The following MDGA2 variants were observed in gnomAD, a reference collection of about 807,000 sequenced individuals.
MDGA2 encodes MAM domain-containing glycosylphosphatidylinositol anchor protein 2.
MDGA2 carries 40 observed loss-of-function variants against 117.8 expected under a neutral mutation model. The ratio of observed to expected loss-of-function variants is 0.34; its 90% CI spans 0.26 to 0.44. MDGA2 has a LOEUF of 0.44. MDGA2 is among the 20% of genes least tolerant of loss of function. The probability of loss-of-function intolerance (pLI) is 1.00; values close to 1 mark genes in which losing one functional copy is unlikely to be tolerated. For missense variants in MDGA2, 1,123 were observed against 1,250.6 expected, an observed-to-expected ratio of 0.90 and a Z score of 1.54; for synonymous variants, 452 against 439.0, an observed-to-expected ratio of 1.03 and a Z score of -0.37.
rs1212833889 is a variant in MDGA2, at chr14:47,131,709, C to T, written c.925+5G>A. On this transcript the variant is annotated splice_donor_5th_base_variant and intron_variant, in intron 5 of 16. Transcript: ENST00000399232. The stretch of plus-strand genomic sequence containing the variant: ...TACATGTAACATACAGAGATAATTC[C>T]ATACCTGTTTTATTGGACAGTCTAA... 3.3e-6 allele frequency: 5 copies of T among 1,503,290 alleles called. No individual in the cohort carries two copies. Among genetic ancestry groups the T allele is most frequent in the Non-Finnish European group, 3.6e-6 (4 of 1,107,928 alleles). The allele number at this position is 1,503,290 out of a possible 1,614,324, so 93.1% of individuals were successfully genotyped here.
chr14:47,012,220 T>C (rs912440032), intron 8 of MDGA2, among the ~76,000 whole-genome samples: 20 of 152,116 alleles, frequency 1.3e-4, no homozygotes, highest in South Asian at 6.2e-4. Flanking sequence ...ATAAACTGAA[T>C]ATACTTGTTT....
rs1210858363 is a variant in MDGA2 at position 47,116,866 on chromosome 14, TATAAC to T, written c.925+14843_925+14847del. ...TTGATCTTGGGAATGATTTCATAGA[TATAAC>T]ACAAAAGCATAGAAAACAACAACAA... is the stretch of plus-strand genomic sequence containing the variant. On this transcript the variant is annotated intron_variant, in intron 5 of 16. Coordinates refer to ENST00000399232, the MANE Select transcript of MDGA2 (RefSeq NM_001113498.3). Among the ~76,000 whole-genome samples the T allele has an allele frequency of 7.3e-5, 11 of 151,342 alleles. No individual in the cohort carries two copies. The East Asian group carries it at 2.1e-3, about 29-fold the overall frequency.
chr14:47,508,357 C>CTCTCTT (rs965402274), intron 1 of MDGA2, among the ~76,000 whole-genome samples: 1 of 143,702 alleles, frequency 7.0e-6, no homozygotes, highest in Non-Finnish European at 1.5e-5. Flanking sequence ...GATTGACTCT[C>CTCTCTT]TCTCTCTCTC....
chr14:47,251,312 T>C (rs182483357), intron 2 of MDGA2, among the ~76,000 whole-genome samples: 2 of 152,338 alleles, frequency 1.3e-5, no homozygotes, highest in Admixed American at 1.3e-4. Context: ...TTTCTCATCA[T>C]TCAGATCTCA....
chr14:47,263,733 T>C (rs772467301), intron 2 of MDGA2, among the ~76,000 whole-genome samples: 1 of 152,194 alleles, frequency 6.6e-6, no homozygotes, highest in South Asian at 2.1e-4. Context: ...GAAGATGATT[T>C]GCCTTGACAA....
At chr14:47,288,693 T>C (rs111855764) in intron 2 of MDGA2, among the ~76,000 whole-genome samples, 4,263 of 152,232 alleles carry the variant, frequency 0.028, 199 homozygotes, top group African/African-American at 0.096. Context: ...AAATAAATGT[T>C]ATTTTTAGTT....
chr14:47,112,745 A>G (rs950698781), intron 5 of MDGA2, among the ~76,000 whole-genome samples: 2 of 152,108 alleles, frequency 1.3e-5, no homozygotes, highest in African/African-American at 4.8e-5. Context: ...ATATTCCTTT[A>G]GGTATATACC....
In MDGA2 at chr14:46,901,041, T is replaced by C. The variant is rs562623250; in HGVS notation, c.2239-18820A>G. ...TTAAAAAGAAAAAAAACACTGCTTA[T>C]TGAAAAGGCTTTTAAAGTACTGAAG... is the stretch of plus-strand genomic sequence containing the variant. On this transcript the variant is annotated intron_variant, in intron 10 of 16. Transcript: ENST00000399232. Among the ~76,000 whole-genome samples, 6 of 152,118 alleles carry C rather than the reference T, an allele frequency of 3.9e-5. No individual in the cohort carries two copies. The South Asian group carries it at 1.2e-3, about 32-fold the overall frequency.
At chr14:47,472,060 G>GT (rs1203386746) in intron 1 of MDGA2, among the ~76,000 whole-genome samples, 1 of 152,070 alleles carries the variant, frequency 6.6e-6, no homozygotes, top group African/African-American at 2.4e-5. Flanking sequence ...CCTTTTAATT[G>GT]TAAGAGTAAC....
At chr14:47,222,080 A>G (rs1886324904) in intron 2 of MDGA2, among the ~76,000 whole-genome samples, 1 of 152,054 alleles carries the variant, frequency 6.6e-6, no homozygotes, top group South Asian at 2.1e-4. Flanking sequence ...TATCAGTCAT[A>G]GACTAGATGT....
intron 1 of MDGA2, among the ~76,000 whole-genome samples, chr14:47,501,930 G>T (rs1354837369): frequency 6.6e-6 from 1 of 152,106 alleles, no homozygotes; most frequent in African/African-American, 2.4e-5. Context: ...GTCTATATTA[G>T]TTGGAAATAC....
At chr14:47,000,395 A>G (rs1042068266) in intron 8 of MDGA2, among the ~76,000 whole-genome samples, 6 of 21,252 alleles carry the variant, frequency 2.8e-4, no homozygotes, top group Non-Finnish European at 7.5e-4. Context: ...ATATATTTAT[A>G]TATAAATATA....
intron 8 of MDGA2, among the ~76,000 whole-genome samples, chr14:47,009,726 A>G (rs904717887): frequency 4.6e-5 from 7 of 152,028 alleles, no homozygotes; most frequent in African/African-American, 1.7e-4. Flanking sequence ...ATCAGATTAG[A>G]TGTAGGTAAG....
chr14:47,595,397 G>A (rs572818570), intron 1 of MDGA2, among the ~76,000 whole-genome samples: 5 of 151,900 alleles, frequency 3.3e-5, no homozygotes, highest in East Asian at 3.9e-4. Context: ...AGCTGGGCAC[G>A]GTGGTGGGCG....
chr14:47,498,409 T>C (rs1356576127), intron 1 of MDGA2, among the ~76,000 whole-genome samples: 4 of 152,134 alleles, frequency 2.6e-5, no homozygotes, highest in African/African-American at 9.7e-5. Flanking sequence ...TTTTTTTTCA[T>C]GAAGCTGTTA....
intron 14 of MDGA2, among the ~76,000 whole-genome samples, chr14:46,866,679 TCAAA>T (rs1881776170): frequency 6.7e-6 from 1 of 148,738 alleles, no homozygotes; most frequent in African/African-American, 2.5e-5. Flanking sequence ...TACAATGAAC[TCAAA>T]CAAATTTACA....
intron 15 of MDGA2, among the ~76,000 whole-genome samples, chr14:46,850,283 T>C (rs1356766940): frequency 6.6e-6 from 1 of 151,840 alleles, no homozygotes; most frequent in Non-Finnish European, 1.5e-5. Flanking sequence ...AAGATATAGA[T>C]GATGCTATAA....
chr14:47,550,919 T>A (rs1488787151), intron 1 of MDGA2, among the ~76,000 whole-genome samples: 1 of 152,090 alleles, frequency 6.6e-6, no homozygotes, highest in Non-Finnish European at 1.5e-5. Flanking sequence ...ACACTGAGAG[T>A]GGCAGAGTCC....
intron 3 of MDGA2, among the ~76,000 whole-genome samples, chr14:47,217,187 G>C (rs1158759153): frequency 6.6e-6 from 1 of 151,928 alleles, no homozygotes; most frequent in Non-Finnish European, 1.5e-5. Context: ...AGGAAGATAG[G>C]CAGAAAAACA....
Sources: allele counts gnomAD v4.1 joint callset (sites outside exome capture counted in the v4.1 genomes callset), GRCh38; gene constraint gnomAD v4.1.1; transcripts MANE v1.5; gene names NCBI Gene and HGNC (gene_info 2026-07-23, HGNC 2026-07-21).